The following DPYD variants were observed in gnomAD, a reference collection of about 807,000 sequenced individuals.
DPYD encodes the protein dihydropyrimidine dehydrogenase.
In DPYD, 109 loss-of-function variants were observed where a neutral mutation model predicts 116.2. The ratio of observed to expected loss-of-function variants is 0.94; its 90% confidence interval spans 0.80 to 1.10. The LOEUF is 1.10. Among genes scored for constraint, DPYD ranks in the 50% least tolerant of loss-of-function variants. The pLI, the probability that DPYD is intolerant of heterozygous loss-of-function variation, is 0.00. For missense variants in DPYD, 1,302 were observed against 1,254.5 expected, an observed-to-expected ratio of 1.04 and a Z score of -0.57; for synonymous variants, 440 against 432.0, an observed-to-expected ratio of 1.02 and a Z score of -0.23.
At chr1:97,275,730 C>T (rs1004739410) in intron 18 of DPYD, among the ~76,000 whole-genome samples, 53 of 152,114 alleles carry the variant, frequency 3.5e-4, no homozygotes, top group African/African-American at 1.2e-3. Context: ...AAGCCTAAAA[C>T]CTTGAAGATT....
At chr1:97,161,965 C>T (rs893023073) in intron 20 of DPYD, among the ~76,000 whole-genome samples, 2 of 151,872 alleles carry the variant, frequency 1.3e-5, no homozygotes, top group Non-Finnish European at 2.9e-5. Flanking sequence ...TTAATCCAGT[C>T]TATCATTGTT....
At chr1:97,344,718 G>A (rs1164590092) in intron 16 of DPYD, among the ~76,000 whole-genome samples, 2 of 151,692 alleles carry the variant, frequency 1.3e-5, no homozygotes, top group Admixed American at 1.3e-4. Flanking sequence ...TTGTGTACAT[G>A]CCATAAGTTA....
chr1:97,236,757 G>C (rs895401311), intron 18 of DPYD, among the ~76,000 whole-genome samples: 3 of 152,138 alleles, frequency 2.0e-5, no homozygotes, highest in Admixed American at 1.3e-4. Context: ...GGGTGGTTAG[G>C]CTATAGGTGT....
At chr1:97,507,732 T>C (rs1250291652) in intron 13 of DPYD, among the ~76,000 whole-genome samples, 1 of 152,028 alleles carries the variant, frequency 6.6e-6, no homozygotes, top group Non-Finnish European at 1.5e-5. Flanking sequence ...ATCTCGTTGA[T>C]AGGTGCTGGC....
At chr1:97,137,430 T>G (rs1302336795) in intron 20 of DPYD, among the ~76,000 whole-genome samples, 2 of 152,256 alleles carry the variant, frequency 1.3e-5, no homozygotes, top group Non-Finnish European at 2.9e-5. Context: ...GAAACCTGAC[T>G]ATTTAGTACA....
intron 3 of DPYD, among the ~76,000 whole-genome samples, chr1:97,791,261 T>C (rs1432393118): frequency 6.6e-6 from 1 of 152,194 alleles, no homozygotes; most frequent in African/African-American, 2.4e-5. Flanking sequence ...GACAATCATT[T>C]CCAAATGTCC....
At chr1:97,511,549 T>G (rs2101963271) in intron 13 of DPYD, among the ~76,000 whole-genome samples, 1 of 152,096 alleles carries the variant, frequency 6.6e-6, no homozygotes, top group South Asian at 2.1e-4. Flanking sequence ...TCATTTATAT[T>G]AATATTACTC....
chr1:97,140,642 G>C (rs561087580), intron 20 of DPYD, among the ~76,000 whole-genome samples: 8 of 152,230 alleles, frequency 5.3e-5, no homozygotes, highest in Middle Eastern at 3.4e-3. Flanking sequence ...GGATGGGAGA[G>C]GGAGGCAGAA....
At position 97,136,785 on chromosome 1, in the gene DPYD, C is replaced by T. The variant is rs563111773; in HGVS notation, c.2623-38153G>A. Among the ~76,000 whole-genome samples, 12 of 152,098 alleles carry T rather than the reference C, an allele frequency of 7.9e-5. No individual in the cohort carries two copies. In the South Asian group the frequency reaches 1.7e-3, roughly 21 times the overall value. On this transcript the variant is annotated intron_variant, in intron 20 of 22. Coordinates refer to ENST00000370192, the MANE Select transcript of DPYD (RefSeq NM_000110.4). ...ATGACACCTTTAAAGAAGGCAAGAA[C>T]GCAAATTTATGACAAGAAGAAAGAA...
At chr1:97,617,350 A>C (rs1656353455) in intron 8 of DPYD, among the ~76,000 whole-genome samples, 1 of 152,230 alleles carries the variant, frequency 6.6e-6, no homozygotes, top group African/African-American at 2.4e-5. Context: ...TCAGGCAAAT[A>C]TATTTTTACA....
chr1:97,323,875 A>G (rs972852242), intron 16 of DPYD, among the ~76,000 whole-genome samples: 3 of 151,764 alleles, frequency 2.0e-5, no homozygotes, highest in Non-Finnish European at 2.9e-5. Context: ...GGTAGGACAC[A>G]GGAACTATCC....
intron 2 of DPYD, among the ~76,000 whole-genome samples, chr1:97,880,794 T>C (rs1348438451): frequency 6.6e-6 from 1 of 152,008 alleles, no homozygotes; most frequent in Non-Finnish European, 1.5e-5. Flanking sequence ...CAATCACTAT[T>C]GAATACAGTG....
chr1:97,484,917 T>TC (rs1361464470), intron 13 of DPYD, among the ~76,000 whole-genome samples: 1 of 152,194 alleles, frequency 6.6e-6, no homozygotes, highest in Non-Finnish European at 1.5e-5. Context: ...ATTCATCTCT[T>TC]ATGTTAGACT....
chr1:97,744,658 T>A (rs1283895986), intron 3 of DPYD, among the ~76,000 whole-genome samples: 1 of 152,044 alleles, frequency 6.6e-6, no homozygotes, highest in African/African-American at 2.4e-5. Context: ...ACATTGCATT[T>A]CCTTAGATAT....
chr1:97,392,211 TTA>T (rs1672745387), intron 14 of DPYD, among the ~76,000 whole-genome samples: 1 of 152,030 alleles, frequency 6.6e-6, no homozygotes, highest in Admixed American at 6.6e-5. Flanking sequence ...TGCATAAAAG[TTA>T]TGTTTTCACT....
At chr1:97,132,651 C>A (rs1372671345) in intron 20 of DPYD, among the ~76,000 whole-genome samples, 2 of 152,018 alleles carry the variant, frequency 1.3e-5, no homozygotes, top group African/African-American at 4.8e-5. Context: ...ATGTGCAAAT[C>A]ATCAAGATGA....
intron 5 of DPYD, among the ~76,000 whole-genome samples, chr1:97,713,517 C>T (rs1181019664): frequency 1.3e-5 from 2 of 151,822 alleles, no homozygotes; most frequent in African/African-American, 2.4e-5. Flanking sequence ...AATCATTGTG[C>T]CAGTAAGGAA....
At chr1:97,192,840 G>A (rs1216793505) in intron 20 of DPYD, among the ~76,000 whole-genome samples, 1 of 152,090 alleles carries the variant, frequency 6.6e-6, no homozygotes, top group Non-Finnish European at 1.5e-5. Context: ...TGCAAACATC[G>A]GTCTTTTCCT....
At chr1:97,437,824 C>G (rs1352662693) in intron 14 of DPYD, among the ~76,000 whole-genome samples, 2 of 151,878 alleles carry the variant, frequency 1.3e-5, no homozygotes, top group African/African-American at 4.8e-5. Flanking sequence ...TAACAAAGGT[C>G]AAAAGTTTTC....
Sources: allele counts gnomAD v4.1 joint callset (sites outside exome capture counted in the v4.1 genomes callset), GRCh38; gene constraint gnomAD v4.1.1; transcripts MANE v1.5; gene names NCBI Gene and HGNC (gene_info 2026-07-23, HGNC 2026-07-21).